NEDD4L: variants seen among roughly 807,000 people sequenced by gnomAD.
The protein encoded by NEDD4L is E3 ubiquitin-protein ligase NEDD4-like.
In NEDD4L, 54 loss-of-function variants were observed where a neutral mutation model predicts 148.9. The observed-to-expected ratio is 0.36, with a 90% CI of 0.29 to 0.45. The LOEUF (loss-of-function observed/expected upper bound fraction) is 0.45, where lower values mean the gene tolerates loss of function less well. NEDD4L is among the 20% of genes least tolerant of loss of function. The probability of loss-of-function intolerance (pLI) is 1.00; values close to 1 mark genes in which losing one functional copy is unlikely to be tolerated. For synonymous variants in NEDD4L, 433 were observed against 440.7 expected, an observed-to-expected ratio of 0.98 and a Z score of 0.22; for missense variants, 856 against 1,233.8, an observed-to-expected ratio of 0.69 and a Z score of 4.59.
chr18:58,280,267 C>T (rs1371112465), intron 5 of NEDD4L, among the ~76,000 whole-genome samples: 1 of 152,112 alleles, frequency 6.6e-6, no homozygotes, highest in African/African-American at 2.4e-5. Context: ...CTGTCCAGCG[C>T]ATTCCACTGT....
chr18:58,302,698 A>G (rs1315665827), intron 5 of NEDD4L, among the ~76,000 whole-genome samples: 1 of 152,232 alleles, frequency 6.6e-6, no homozygotes, highest in Non-Finnish European at 1.5e-5. Context: ...GTACCAGTTT[A>G]TGAAATAGAA....
At chr18:58,279,715 T>C (rs2052709014) in intron 5 of NEDD4L, among the ~76,000 whole-genome samples, 1 of 152,226 alleles carries the variant, frequency 6.6e-6, no homozygotes, top group African/African-American at 2.4e-5. Flanking sequence ...TGTGATGTAA[T>C]TGGCACTGCA....
chr18:58,347,221 C>CCCCCCCCCA (rs2043207718), intron 16 of NEDD4L, among the ~76,000 whole-genome samples: 6 of 94,256 alleles, frequency 6.4e-5, no homozygotes, highest in Non-Finnish European at 8.7e-5. Flanking sequence ...CCCGCCCCCC[C>CCCCCCCCCA]CCCCCCTTTA....
In NEDD4L at chr18:58,310,281, A is replaced by T. The variant is rs566362860; in HGVS notation, c.298-5701A>T. Among the ~76,000 whole-genome samples the T allele has an allele frequency of 5.9e-5, 9 of 152,308 alleles. No homozygotes were observed. In the South Asian group the frequency reaches 1.9e-3, roughly 32 times the overall value. Reference sequence around the variant, plus strand: ...AAATAAGGACCAGTGTCTCTAGGACACACCTTACTGTGTATAACTGAATGG... The same window carrying T: ...AAATAAGGACCAGTGTCTCTAGGACTCACCTTACTGTGTATAACTGAATGG... On this transcript the variant is annotated intron_variant, in intron 5 of 30. Coordinates refer to ENST00000400345, the MANE Select transcript of NEDD4L (RefSeq NM_001144967.3).
chr18:58,306,293 A>G (rs1227138162), intron 5 of NEDD4L, among the ~76,000 whole-genome samples: 6 of 150,768 alleles, frequency 4.0e-5, no homozygotes, highest in African/African-American at 1.5e-4. Flanking sequence ...GGTGGGGGAG[A>G]TGAGGGGGGT....
In NEDD4L at chr18:58,128,862, G is replaced by C. The variant is rs1009197295; in HGVS notation, c.49-36926G>C. Among the ~76,000 whole-genome samples, 12 of 152,284 alleles carry C rather than the reference G, an allele frequency of 7.9e-5. No homozygotes were observed. In the East Asian group the frequency reaches 2.3e-3, roughly 29 times the overall value. ...ACTTGGCCTTTGGATTGCTGACTGC[G>C]AGCTCACGGTACTGTTAATGATTTT... On this transcript the variant is annotated intron_variant, in intron 1 of 30. Coordinates refer to ENST00000400345, the MANE Select transcript of NEDD4L (RefSeq NM_001144967.3).
chr18:58,315,907 G>A (rs903129525), intron 5 of NEDD4L, 75 bp from the exon 6 acceptor site: 10 of 1,307,554 alleles, frequency 7.6e-6, no homozygotes, highest in Non-Finnish European at 1.1e-5. Flanking sequence ...CTCTATTCAT[G>A]ATAAAACATT....
At chr18:58,385,662 G>T in intron 26 of NEDD4L, 76 bp downstream of exon 26, 1 of 1,219,924 alleles carries the variant, frequency 8.2e-7, no homozygotes, top group Non-Finnish European at 1.2e-6. Context: ...TTCTCCTTTA[G>T]CTAGTGTGGT....
At chr18:58,296,863 G>A (rs1260369628) in intron 5 of NEDD4L, among the ~76,000 whole-genome samples, 1 of 151,926 alleles carries the variant, frequency 6.6e-6, no homozygotes, top group South Asian at 2.1e-4. Context: ...TGGAGGTTGC[G>A]GTGAGCTGAG....
At chr18:58,190,114 A>G (rs560036642) in intron 2 of NEDD4L, among the ~76,000 whole-genome samples, 2 of 152,322 alleles carry the variant, frequency 1.3e-5, no homozygotes, top group Admixed American at 1.3e-4. Flanking sequence ...CTTTTTCTGA[A>G]TTTCTAAATT....
chr18:58,390,948 G>C (rs556149661), intron 29 of NEDD4L, among the ~76,000 whole-genome samples: 1 of 151,050 alleles, frequency 6.6e-6, no homozygotes, highest in African/African-American at 2.4e-5. Context: ...CGAGGGATTG[G>C]GGGGCAGTTT....
chr18:58,098,080 C>T (rs2084531646), intron 1 of NEDD4L, among the ~76,000 whole-genome samples: 1 of 152,080 alleles, frequency 6.6e-6, no homozygotes. Context: ...GAATGGCTTT[C>T]CCTGCTTAGT....
rs2046197843 is a variant in NEDD4L at position 58,366,994 on chromosome 18, TGC to T, written c.2064-751_2064-750del. 1 of 152,304 alleles carries T rather than the reference TGC, an allele frequency of 6.6e-6. No individual in the cohort carries two copies. Among genetic ancestry groups the T allele is most frequent in the Non-Finnish European group, 1.5e-5 (1 of 68,090 alleles). 9.4% of individuals were successfully genotyped at this position (152,304 alleles called of 1,614,324 possible). A position where few individuals can be genotyped will look rare whatever the true frequency, so the allele number is the denominator to read the frequency against. ...CTTCCTGGTTGCTCTAGCCAAGAATTGCCCAATTGATTTGTTGTTACTGAGTC... is the reference window on the plus strand; with the variant it reads ...CTTCCTGGTTGCTCTAGCCAAGAATTCCAATTGATTTGTTGTTACTGAGTC... On this transcript the variant is annotated intron_variant, in intron 21 of 30. Coordinates refer to ENST00000400345, the MANE Select transcript of NEDD4L (RefSeq NM_001144967.3). This position sits in a 1 kb window ranked among gnomAD's most constrained non-coding sequence, Gnocchi z 4.2.
intron 1 of NEDD4L, among the ~76,000 whole-genome samples, chr18:58,056,838 A>G (rs1289170724): frequency 6.7e-6 from 1 of 149,424 alleles, no homozygotes; most frequent in Admixed American, 6.7e-5. Flanking sequence ...GCCTCGGCCT[A>G]CCAAAGTGCT....
intron 1 of NEDD4L, among the ~76,000 whole-genome samples, chr18:58,151,781 A>G (rs1702939227): frequency 6.6e-6 from 1 of 151,920 alleles, no homozygotes. Flanking sequence ...GTGTAAGAGG[A>G]TGGGGTCGGT....
At chr18:58,334,352 G>GCAGC in intron 12 of NEDD4L, among the ~76,000 whole-genome samples, 1 of 152,212 alleles carries the variant, frequency 6.6e-6, no homozygotes, top group Middle Eastern at 3.4e-3. Flanking sequence ...CTCTTTAAAG[G>GCAGC]CAGCTCTGCT....
chr18:58,051,195 C>G (rs2081853192), intron 1 of NEDD4L, among the ~76,000 whole-genome samples: 1 of 151,840 alleles, frequency 6.6e-6, no homozygotes, highest in Non-Finnish European at 1.5e-5. Context: ...GAGGTTGAGG[C>G]TGCAGTGAGC....
At chr18:58,263,369 C>A (rs2049731146) in intron 5 of NEDD4L, among the ~76,000 whole-genome samples, 2 of 152,122 alleles carry the variant, frequency 1.3e-5, no homozygotes, top group African/African-American at 4.8e-5. Flanking sequence ...CACAGTGAGT[C>A]AAGTGACTTT....
intron 6 of NEDD4L, among the ~76,000 whole-genome samples, chr18:58,317,189 T>G (rs932532073): frequency 2.0e-5 from 3 of 152,242 alleles, no homozygotes; most frequent in Non-Finnish European, 2.9e-5. Context: ...TGTTTCTTTT[T>G]AAAACTCTGA....
Sources: allele counts gnomAD v4.1 joint callset (sites outside exome capture counted in the v4.1 genomes callset), GRCh38; gene constraint gnomAD v4.1.1; non-coding constraint Gnocchi (gnomAD v3.1); transcripts MANE v1.5; gene names NCBI Gene and HGNC (gene_info 2026-07-23, HGNC 2026-07-21).